Variants in ITGB3 observed in about 807,000 individuals in gnomAD.
ITGB3 encodes integrin subunit beta 3.
Under a neutral mutation model 85.8 loss-of-function variants are expected in ITGB3, and 48 were observed. The observed-to-expected ratio is 0.56, with a 90% CI of 0.44 to 0.71. ITGB3 has a LOEUF of 0.71. Among genes scored for constraint, ITGB3 ranks in the 30% least tolerant of loss-of-function variants. The pLI, the probability that ITGB3 is intolerant of heterozygous loss-of-function variation, is 0.00. For synonymous variants in ITGB3, 363 were observed against 395.6 expected, an observed-to-expected ratio of 0.92 and a Z score of 0.98; for missense variants, 861 against 1,019.1, an observed-to-expected ratio of 0.84 and a Z score of 2.11.
Position 47,282,212 on chromosome 17 carries a change from G to C in ITGB3, c.166-1142G>C, listed in dbSNP as rs146458982. Among the ~76,000 whole-genome samples the C allele has an allele frequency of 6.9e-3, 1,052 of 152,104 alleles. 16 individuals carry two copies. Among genetic ancestry groups the C allele is most frequent in the African/African-American group, 0.023 (960 of 41,482 alleles). On this transcript the variant is annotated intron_variant, in intron 2 of 14. Coordinates refer to ENST00000559488, the MANE Select transcript of ITGB3 (RefSeq NM_000212.3). ...GATCTGCCCACCTCAGCCTCCCAAA[G>C]TGCTAGGATTACAGGCATAAGCAAC... is the stretch of plus-strand genomic sequence containing the variant.
At position 47,290,289 on chromosome 17, in the gene ITGB3, C is replaced by G; in HGVS notation, c.1125+15C>G. 1.9e-6 allele frequency: 3 copies of G among 1,606,144 alleles called. No individual in the cohort carries two copies. The highest frequency in any genetic ancestry group is 2.6e-6 in the Non-Finnish European group (3 of 1,173,104). ...ATGCTTATGGGGTAAGTGTCTTGTG[C>G]TGGGAATAGTCCCGCGGAGAGTCCA... On this transcript the variant is annotated intron_variant, in intron 8 of 14. Transcript: ENST00000559488.
At position 47,266,236 on chromosome 17, in the gene ITGB3, G is replaced by C. The variant is rs377503280; in HGVS notation, c.80-8183G>C. ...GATTAGAACTCCTTTCTGGCAGAGT[G>C]ATAGATGTCCATAGTGTTAGTGGAA... On this transcript the variant is annotated intron_variant, in intron 1 of 14. Coordinates refer to ENST00000559488, the MANE Select transcript of ITGB3 (RefSeq NM_000212.3). 7.2e-4 allele frequency among the ~76,000 whole-genome samples: 110 copies of C among 152,272 alleles called. 1 individual carries two copies. In the South Asian group the frequency reaches 0.022, roughly 30 times the overall value.
At chr17:47,297,093 A>G (rs2065148614) in intron 10 of ITGB3, among the ~76,000 whole-genome samples, 1 of 152,196 alleles carries the variant, frequency 6.6e-6, no homozygotes, top group Non-Finnish European at 1.5e-5. Context: ...AGAATATTCC[A>G]TTAAAACTGG....
intron 1 of ITGB3, among the ~76,000 whole-genome samples, chr17:47,272,905 C>T (rs942257721): frequency 2.0e-5 from 3 of 152,028 alleles, no homozygotes; most frequent in Non-Finnish European, 4.4e-5. Flanking sequence ...TCCTGAGTAG[C>T]TGGGATTACA....
chr17:47,298,231 A>G (rs1381753747), intron 10 of ITGB3, among the ~76,000 whole-genome samples: 1 of 152,242 alleles, frequency 6.6e-6, no homozygotes, highest in African/African-American at 2.4e-5. Flanking sequence ...CCATCGGGCT[A>G]CGTGAGGTCA....
chr17:47,309,895 G>GA (rs11354112), intron 14 of ITGB3, among the ~76,000 whole-genome samples: 2,392 of 112,976 alleles, frequency 0.021, 41 homozygotes, highest in East Asian at 0.055. Flanking sequence ...GACCCTGTCT[G>GA]AAAAAAAAAA....
intron 1 of ITGB3, among the ~76,000 whole-genome samples, chr17:47,254,304 C>A (rs2064979982): frequency 6.6e-6 from 1 of 152,096 alleles, no homozygotes; most frequent in Non-Finnish European, 1.5e-5. Flanking sequence ...ACGACTGGCC[C>A]AGGAGCCAAG....
intron 10 of ITGB3, among the ~76,000 whole-genome samples, chr17:47,297,512 C>T (rs575663394): frequency 1.3e-5 from 2 of 152,080 alleles, no homozygotes; most frequent in East Asian, 1.9e-4. Context: ...AAACATTAGC[C>T]GGGCATGGTG....
chr17:47,307,657 G>A lies in ITGB3; in HGVS notation c.2301+20G>A, dbSNP rs752424299. 5 of 1,612,070 alleles carry A rather than the reference G, an allele frequency of 3.1e-6. No individual in the cohort carries two copies. Among genetic ancestry groups the A allele is most frequent in the East Asian group, 2.2e-5 (1 of 44,886 alleles). ...GACACAGTAAGAGACGGGGCTGGGC[G>A]TTTTCTAAAGTCATTGGTCTGAGAC... is the stretch of plus-strand genomic sequence containing the variant. On this transcript the variant is annotated intron_variant, in intron 14 of 14. Transcript: ENST00000559488.
chr17:47,312,148 A>G lies in ITGB3; in HGVS notation c.*1944A>G, dbSNP rs1178130045. ...CCTCTCTCCAAACCCGTTTTCCAACATTTGTTAATAGTTACGTCTCTCCTG... is the reference window on the plus strand; with the variant it reads ...CCTCTCTCCAAACCCGTTTTCCAACGTTTGTTAATAGTTACGTCTCTCCTG... On this transcript the variant is annotated 3_prime_UTR_variant, in exon 15 of 15. Coordinates refer to ENST00000559488, the MANE Select transcript of ITGB3 (RefSeq NM_000212.3). Among the ~76,000 whole-genome samples the G allele has an allele frequency of 6.6e-6, 1 of 152,248 alleles. No homozygotes were observed. Among genetic ancestry groups the G allele is most frequent in the Non-Finnish European group, 1.5e-5 (1 of 68,040 alleles).
chr17:47,253,992 C>G lies in ITGB3; in HGVS notation c.79+52C>G, dbSNP rs11871407. The G allele has an allele frequency of 0.19, 223,760 of 1,193,364 alleles. 24,521 individuals carry two copies. The highest frequency in any genetic ancestry group is 0.46 in the East Asian group (14,192 of 31,162). The allele number at this position is 1,193,364 out of a possible 1,614,324, so 73.9% of individuals were successfully genotyped here. A position where few individuals can be genotyped will look rare whatever the true frequency, so the allele number is the denominator to read the frequency against. ...TCGCAGCTGCCCCAGGATCTGCGCC[C>G]CGGTCAAGTTGCGGACTTGGAGCCG... On this transcript the variant is annotated intron_variant, in intron 1 of 14. Coordinates refer to ENST00000559488, the MANE Select transcript of ITGB3 (RefSeq NM_000212.3).
At chr17:47,283,287 C>A in intron 2 of ITGB3, 67 bp from the exon 3 acceptor site, 1 of 1,481,506 alleles carries the variant, frequency 6.7e-7, no homozygotes, top group Non-Finnish European at 9.4e-7. Context: ...AGTGGTAGGG[C>A]CTGCAGGAGG....
At chr17:47,259,675 G>A (rs549879503) in intron 1 of ITGB3, among the ~76,000 whole-genome samples, 3 of 152,194 alleles carry the variant, frequency 2.0e-5, no homozygotes, top group Non-Finnish European at 4.4e-5. Context: ...CGAGGCGGGC[G>A]GATCACCTGA....
chr17:47,288,729 T>C (rs765773871), intron 6 of ITGB3, among the ~76,000 whole-genome samples: 50 of 152,322 alleles, frequency 3.3e-4, no homozygotes, highest in Non-Finnish European at 3.2e-4. Flanking sequence ...ATTTGACCCC[T>C]AATCTATGCA....
chr17:47,296,590 G>A (rs1181734228), intron 10 of ITGB3, among the ~76,000 whole-genome samples: 2 of 152,106 alleles, frequency 1.3e-5, no homozygotes, highest in East Asian at 1.9e-4. Context: ...ACTTTAAAAC[G>A]GTGGTTCTCA....
At chr17:47,273,959 A>G (rs2065054133) in intron 1 of ITGB3, among the ~76,000 whole-genome samples, 1 of 152,166 alleles carries the variant, frequency 6.6e-6, no homozygotes, top group South Asian at 2.1e-4. Flanking sequence ...CCCCCACTGT[A>G]TTTAGGCTAT....
At chr17:47,283,636 A>G (rs2143090700) in intron 3 of ITGB3, 87 bp downstream of exon 3, 2 of 1,298,342 alleles carry the variant, frequency 1.5e-6, no homozygotes. Context: ...GTCTTGGGGA[A>G]GTAGCTCAGA....
chr17:47,296,143 G>A (rs115532133), intron 10 of ITGB3, among the ~76,000 whole-genome samples: 415 of 152,234 alleles, frequency 2.7e-3, no homozygotes, highest in African/African-American at 9.6e-3. Flanking sequence ...ACCTAGCCTC[G>A]GGACACAGCC....
Sources: allele counts gnomAD v4.1 joint callset (sites outside exome capture counted in the v4.1 genomes callset), GRCh38; gene constraint gnomAD v4.1.1; transcripts MANE v1.5; gene names NCBI Gene and HGNC (gene_info 2026-07-23, HGNC 2026-07-21).